ARHGAP20: variants seen among roughly 807,000 people sequenced by gnomAD.
The protein encoded by ARHGAP20 is rho GTPase-activating protein 20.
Under a neutral mutation model 73.7 loss-of-function variants are expected in ARHGAP20, and 34 were observed. The observed-to-expected ratio is 0.46, with a 90% confidence interval of 0.35 to 0.61. ARHGAP20 has a LOEUF of 0.61. ARHGAP20 is among the 20% of genes least tolerant of loss of function. The probability of loss-of-function intolerance (pLI) is 0.00; values close to 1 mark genes in which losing one functional copy is unlikely to be tolerated. For missense variants in ARHGAP20, 1,314 were observed against 1,420.9 expected, an observed-to-expected ratio of 0.92 and a Z score of 1.21; for synonymous variants, 523 against 518.2, an observed-to-expected ratio of 1.01 and a Z score of -0.13.
chr11:110,606,646 G>A lies in ARHGAP20; in HGVS notation c.879C>T (p.Pro293=). 1.9e-6 allele frequency: 3 copies of A among 1,611,186 alleles called. No individual in the cohort carries two copies. The highest frequency in any genetic ancestry group is 2.5e-6 in the Non-Finnish European group (3 of 1,179,118). The change falls in exon 9 of 15, where the codon CCC becomes CCT. Residue 293 remains proline (P), a synonymous_variant. Transcript: ENST00000683387. The stretch of plus-strand genomic sequence containing the variant: ...CTCGGGGGAGCTGTTCCATAAGGAA[G>A]GGCTCCTGGAGGTTGAAAGGGGTGG... ...DSTTPFNLQE[P]FLMEQLPREM...
chr11:110,656,249 C>T (rs1013788095), intron 2 of ARHGAP20, among the ~76,000 whole-genome samples: 9 of 152,004 alleles, frequency 5.9e-5, no homozygotes, highest in Non-Finnish European at 1.2e-4. Context: ...GGTGGGAGCA[C>T]GTGGGATTCT....
At chr11:110,713,132 A>T (rs1177062450), upstream of ARHGAP20, 1 of 152,320 alleles carries the variant, frequency 6.6e-6, no homozygotes, top group Non-Finnish European at 1.5e-5. Context: ...AGAGCAATGA[A>T]GGAAAATGCA....
intron 9 of ARHGAP20, among the ~76,000 whole-genome samples, chr11:110,600,024 C>A (rs536496900): frequency 2.0e-5 from 3 of 152,336 alleles, no homozygotes; most frequent in African/African-American, 7.2e-5. Context: ...GGAGCTGCCC[C>A]CTGTGGGTCT....
At chr11:110,691,067 G>A (rs1950233619) in intron 1 of ARHGAP20, 6 of 1,353,660 alleles carry the variant, frequency 4.4e-6, no homozygotes, top group Admixed American at 2.6e-5. Flanking sequence ...TAAAGGAGAG[G>A]AAAAAACAGT....
At chr11:110,585,674 CAG>C (rs1169764125) in intron 12 of ARHGAP20, among the ~76,000 whole-genome samples, 3 of 152,140 alleles carry the variant, frequency 2.0e-5, no homozygotes, top group Non-Finnish European at 4.4e-5. Flanking sequence ...TGAGTAGAGA[CAG>C]TACATCCTTT....
chr11:110,623,110 A>ATT (rs371149214), intron 4 of ARHGAP20, among the ~76,000 whole-genome samples: 1 of 150,318 alleles, frequency 6.7e-6, no homozygotes, highest in Admixed American at 6.6e-5. Context: ...AAACAAACAC[A>ATT]TTTTTTTTTT....
rs533364737 is a variant in ARHGAP20, at chr11:110,702,579, A to G, written c.105+9548T>C. Among the ~76,000 whole-genome samples the G allele has an allele frequency of 2.6e-5, 4 of 152,282 alleles. No individual in the cohort carries two copies. In the East Asian group the frequency reaches 7.7e-4, roughly 29 times the overall value. ...GGAAATAAAGGGTATTCAATTAGGA[A>G]AAGAGGAAGTCAAATTGTCCCTGTT... On this transcript the variant is annotated intron_variant, in intron 1 of 14. Transcript: ENST00000683387.
At chr11:110,587,264 T>C (rs1426588753) in intron 11 of ARHGAP20, among the ~76,000 whole-genome samples, 1 of 152,186 alleles carries the variant, frequency 6.6e-6, no homozygotes, top group Non-Finnish European at 1.5e-5. Flanking sequence ...TGCAGTCTGA[T>C]CTCCACCTTA....
chr11:110,680,367 TA>T, intron 2 of ARHGAP20, among the ~76,000 whole-genome samples: 1 of 152,174 alleles, frequency 6.6e-6, no homozygotes, highest in East Asian at 1.9e-4. Flanking sequence ...TCTGCTTCCC[TA>T]ATATGTCTTT....
chr11:110,613,680 C>G (rs1188166184), intron 6 of ARHGAP20, among the ~76,000 whole-genome samples: 1 of 152,050 alleles, frequency 6.6e-6, no homozygotes, highest in Non-Finnish European at 1.5e-5. Flanking sequence ...TTTTACATTG[C>G]TACAGGAGAT....
intron 2 of ARHGAP20, among the ~76,000 whole-genome samples, chr11:110,661,028 C>T (rs1161794555): frequency 2.0e-5 from 3 of 152,114 alleles, no homozygotes; most frequent in Non-Finnish European, 4.4e-5. Flanking sequence ...TTACATAATT[C>T]CAAAACAAAT....
At chr11:110,613,585 G>T (rs892655786) in intron 6 of ARHGAP20, among the ~76,000 whole-genome samples, 3 of 152,106 alleles carry the variant, frequency 2.0e-5, no homozygotes, top group Admixed American at 6.6e-5. Context: ...AAATTTAAGG[G>T]ATTTTCCAGG....
At chr11:110,619,656 T>TAGTGATAGAGTATATGC (rs1565442206) in intron 4 of ARHGAP20, among the ~76,000 whole-genome samples, 1 of 114,008 alleles carries the variant, frequency 8.8e-6, no homozygotes, top group African/African-American at 3.1e-5. Context: ...AGAGTATATG[T>TAGTGATAGAGTATATGC]AGTGATAGAG....
At chr11:110,622,468 T>C (rs992253934) in intron 4 of ARHGAP20, among the ~76,000 whole-genome samples, 1 of 152,238 alleles carries the variant, frequency 6.6e-6, no homozygotes, top group Non-Finnish European at 1.5e-5. Flanking sequence ...ATTATCATGG[T>C]CCATTTGTCA....
intron 2 of ARHGAP20, among the ~76,000 whole-genome samples, chr11:110,648,226 T>TGTAA (rs1949261180): frequency 1.3e-5 from 1 of 79,296 alleles, no homozygotes. Flanking sequence ...TATATGTATA[T>TGTAA]ATATATATAT....
chr11:110,638,257 A>G (rs1949009565), intron 2 of ARHGAP20, among the ~76,000 whole-genome samples: 1 of 152,138 alleles, frequency 6.6e-6, no homozygotes, highest in African/African-American at 2.4e-5. Flanking sequence ...TATGAAATAT[A>G]AATAAATTGT....
intron 1 of ARHGAP20, among the ~76,000 whole-genome samples, chr11:110,702,405 T>G (rs894861937): frequency 2.7e-4 from 41 of 152,142 alleles, no homozygotes; most frequent in Non-Finnish European, 5.4e-4. Context: ...AAGAGCTATC[T>G]ATGACAAACC....
chr11:110,600,103 C>T, intron 9 of ARHGAP20, among the ~76,000 whole-genome samples: 1 of 152,244 alleles, frequency 6.6e-6, no homozygotes, highest in East Asian at 1.9e-4. Context: ...GTCTGTGTAC[C>T]TCATTCTTCC....
At chr11:110,587,740 A>G (rs1273862281) in intron 11 of ARHGAP20, among the ~76,000 whole-genome samples, 1 of 151,906 alleles carries the variant, frequency 6.6e-6, no homozygotes, top group African/African-American at 2.4e-5. Context: ...GCCTCTTTGT[A>G]GTCATGTCAC....
Sources: allele counts gnomAD v4.1 joint callset (sites outside exome capture counted in the v4.1 genomes callset), GRCh38; gene constraint gnomAD v4.1.1; transcripts MANE v1.5; gene names NCBI Gene and HGNC (gene_info 2026-07-23, HGNC 2026-07-21).